Variants in BAIAP2L1 observed in about 807,000 individuals in gnomAD.
The protein encoded by BAIAP2L1 is BAR/IMD domain-containing adapter protein 2-like 1.
In BAIAP2L1, 35 loss-of-function variants were observed where a neutral mutation model predicts 66.3. The ratio of observed to expected loss-of-function variants is 0.53; its 90% CI spans 0.40 to 0.70. BAIAP2L1 has a LOEUF of 0.70. Among genes scored for constraint, BAIAP2L1 ranks in the 30% least tolerant of loss-of-function variants. The probability of loss-of-function intolerance (pLI) is 0.00; values close to 1 mark genes in which losing one functional copy is unlikely to be tolerated. For missense variants in BAIAP2L1, 622 were observed against 656.9 expected (o/e 0.95, Z 0.58); for synonymous variants, 269 against 248.7 (o/e 1.08, Z -0.77).
chr7:98,306,506 A>G lies in BAIAP2L1; in HGVS notation c.1174T>C (p.Phe392Leu), dbSNP rs1262754916. Residue 392 changes from phenylalanine to leucine, a missense_variant, in exon 11 of 14, where the codon TTC becomes CTC. Transcript: ENST00000005260. ...AGCAACTTCGTGTACGACGACGGGA[A>G]CCAACCCCTCCTACCGGCAAAGAGG... ...EHDVSKARGWFPSSYTKLLEE... is the reference protein window; with the variant it reads ...EHDVSKARGWLPSSYTKLLEE... 1 of 1,614,102 alleles carries G rather than the reference A, an allele frequency of 6.2e-7. No homozygotes were observed. The highest frequency in any genetic ancestry group is 8.5e-7 in the Non-Finnish European group (1 of 1,180,024).
intron 12 of BAIAP2L1, among the ~76,000 whole-genome samples, chr7:98,294,772 TA>T (rs2116779287): frequency 6.6e-6 from 1 of 152,258 alleles, no homozygotes; most frequent in East Asian, 1.9e-4. Context: ...TTGGGGCTGC[TA>T]GAGCCAGGGA....
intron 3 of BAIAP2L1, among the ~76,000 whole-genome samples, chr7:98,352,146 C>G (rs751773753): frequency 6.6e-6 from 1 of 151,400 alleles, no homozygotes; most frequent in African/African-American, 2.4e-5. Context: ...ATACGGGGTG[C>G]CTTTTTAGTC....
chr7:98,294,312 A>G (rs1800095696), intron 12 of BAIAP2L1, among the ~76,000 whole-genome samples: 1 of 152,208 alleles, frequency 6.6e-6, no homozygotes, highest in Non-Finnish European at 1.5e-5. Context: ...GATTTTTAAT[A>G]AGACCCGAAG....
chr7:98,300,307 G>A (rs1800368465), intron 12 of BAIAP2L1, among the ~76,000 whole-genome samples: 1 of 152,210 alleles, frequency 6.6e-6, no homozygotes, highest in African/African-American at 2.4e-5. Flanking sequence ...CAATGCGTCT[G>A]TAGGCTGTTT....
intron 1 of BAIAP2L1, among the ~76,000 whole-genome samples, chr7:98,396,998 C>T (rs913548050): frequency 2.0e-5 from 3 of 152,106 alleles, no homozygotes; most frequent in Non-Finnish European, 2.9e-5. Flanking sequence ...GTTTTAAGTG[C>T]TTGGAATACA....
At position 98,338,291 on chromosome 7, in the gene BAIAP2L1, G is replaced by A. The variant is rs10231278; in HGVS notation, c.214+16751C>T. Among the ~76,000 whole-genome samples, 526 of 152,124 alleles carry A rather than the reference G, an allele frequency of 3.5e-3. 1 individual carries two copies. Among genetic ancestry groups the A allele is most frequent in the African/African-American group, 0.012 (500 of 41,500 alleles). ...AAAAAAATTAGCCGGGCGCGGTGGC[G>A]GGCGCCTGTGGTCCCAGCTACTCAG... On this transcript the variant is annotated intron_variant, in intron 3 of 13. Transcript: ENST00000005260.
At chr7:98,328,410 T>C (rs931914733) in intron 3 of BAIAP2L1, among the ~76,000 whole-genome samples, 1 of 152,202 alleles carries the variant, frequency 6.6e-6, no homozygotes, top group Non-Finnish European at 1.5e-5. Flanking sequence ...GGAAGTTCCC[T>C]AACCTCTTTC....
In BAIAP2L1 at chr7:98,379,342, C is replaced by T. The variant is rs189212981; in HGVS notation, c.52-16910G>A. 5.5e-3 allele frequency among the ~76,000 whole-genome samples: 838 copies of T among 152,292 alleles called. 7 individuals carry two copies. Among genetic ancestry groups the T allele is most frequent in the Non-Finnish European group, 7.2e-3 (493 of 68,032 alleles). ...ACGGACGAACCAGCTGCAGGCTGTA[C>T]CCTCAGCTCCACCAGCTCATCTGAA... On this transcript the variant is annotated intron_variant, in intron 1 of 13. Coordinates refer to ENST00000005260, the MANE Select transcript of BAIAP2L1 (RefSeq NM_018842.5).
intron 3 of BAIAP2L1, among the ~76,000 whole-genome samples, chr7:98,327,206 T>C (rs1226499302): frequency 1.3e-5 from 2 of 151,208 alleles, no homozygotes; most frequent in Non-Finnish European, 2.9e-5. Flanking sequence ...ATTAAAAATA[T>C]AAAAATTAGT....
chr7:98,300,591 G>A (rs934531646), intron 12 of BAIAP2L1, among the ~76,000 whole-genome samples: 16 of 152,152 alleles, frequency 1.1e-4, no homozygotes, highest in Admixed American at 1.0e-3. Flanking sequence ...CTTGGACAGC[G>A]GCTGCCATTC....
At chr7:98,347,539 G>A (rs1024306273) in intron 3 of BAIAP2L1, among the ~76,000 whole-genome samples, 1 of 152,144 alleles carries the variant, frequency 6.6e-6, no homozygotes, top group Admixed American at 6.5e-5. Context: ...ACTTTGGGAG[G>A]CCGAGGTGGG....
intron 5 of BAIAP2L1, among the ~76,000 whole-genome samples, chr7:98,318,128 A>T (rs1036331543): frequency 6.6e-6 from 1 of 152,188 alleles, no homozygotes; most frequent in African/African-American, 2.4e-5. Flanking sequence ...CTCAGTTCAC[A>T]TTGCCCCCTT....
At chr7:98,314,920 T>A (rs1181062278) in intron 7 of BAIAP2L1, among the ~76,000 whole-genome samples, 1 of 152,226 alleles carries the variant, frequency 6.6e-6, no homozygotes, top group East Asian at 1.9e-4. Flanking sequence ...CATTATTTTA[T>A]GAAGGACTTT....
intron 3 of BAIAP2L1, among the ~76,000 whole-genome samples, chr7:98,326,221 G>A (rs531984262): frequency 4.6e-5 from 7 of 152,328 alleles, no homozygotes; most frequent in Non-Finnish European, 8.8e-5. Flanking sequence ...AGGTTACAGT[G>A]AGCCATGACT....
Position 98,293,451 on chromosome 7 carries a change from GCAGA to G in BAIAP2L1, c.*66_*69del. 7.0e-7 allele frequency: 1 copy of G among 1,421,584 alleles called. No individual in the cohort carries two copies. The highest frequency in any genetic ancestry group is 9.9e-7 in the Non-Finnish European group (1 of 1,009,250). 88.1% of individuals were successfully genotyped at this position (1,421,584 alleles called of 1,614,324 possible). ...GAAGCTTCCCGACCGTCAGCACGTG[GCAGA>G]CAGGATGCGCCCATCATTCCGCAAG... On this transcript the variant is annotated 3_prime_UTR_variant, in exon 14 of 14. Transcript: ENST00000005260.
chr7:98,328,097 T>C (rs1169020343), intron 3 of BAIAP2L1, among the ~76,000 whole-genome samples: 2 of 152,036 alleles, frequency 1.3e-5, no homozygotes, highest in Non-Finnish European at 2.9e-5. Flanking sequence ...CTAGAATGGA[T>C]TGCTCAAAAG....
intron 3 of BAIAP2L1, among the ~76,000 whole-genome samples, chr7:98,352,902 C>T (rs965713411): frequency 3.3e-5 from 5 of 151,976 alleles, no homozygotes; most frequent in Admixed American, 3.3e-4. Flanking sequence ...AGTCAGAGCA[C>T]CATATGTTTT....
Position 98,401,072 on chromosome 7 carries a change from C to G in BAIAP2L1, c.-220G>C, listed in dbSNP as rs1584515888. On this transcript the variant is annotated 5_prime_UTR_variant, in exon 1 of 14. Transcript: ENST00000005260. ...CCTTCTTCGAGGAGCAGAGGAGAAGCGGCCGGACGCCGCCAGAGGAAGCTG... is the reference window on the plus strand; with the variant it reads ...CCTTCTTCGAGGAGCAGAGGAGAAGGGGCCGGACGCCGCCAGAGGAAGCTG... The G allele has an allele frequency of 5.3e-6, 2 of 374,974 alleles. No individual in the cohort carries two copies. The allele number at this position is 374,974 out of a possible 1,614,324, so 23.2% of individuals were successfully genotyped here.
chr7:98,321,798 G>A (rs912377324), intron 3 of BAIAP2L1, among the ~76,000 whole-genome samples: 5 of 152,258 alleles, frequency 3.3e-5, no homozygotes, highest in East Asian at 1.9e-4. Flanking sequence ...TCAGCGGCCA[G>A]ATAAAAATGA....
Sources: allele counts gnomAD v4.1 joint callset (sites outside exome capture counted in the v4.1 genomes callset), GRCh38; gene constraint gnomAD v4.1.1; transcripts MANE v1.5; gene names NCBI Gene and HGNC (gene_info 2026-07-23, HGNC 2026-07-21).